FPGS: variants seen among roughly 807,000 people sequenced by gnomAD.
The protein encoded by FPGS is folylpolyglutamate synthase.
A neutral mutation model predicts 66.5 loss-of-function variants in FPGS; 53 were observed. That is an observed-to-expected ratio of 0.80 (90% CI 0.64 to 1.00). The LOEUF (loss-of-function observed/expected upper bound fraction) is 1.00, where lower values mean the gene tolerates loss of function less well. FPGS is among the 50% of genes least tolerant of loss of function. FPGS has a pLI of 0.00. For missense variants in FPGS, 702 were observed against 807.7 expected, an observed-to-expected ratio of 0.87 and a Z score of 1.59; for synonymous variants, 348 against 350.9, an observed-to-expected ratio of 0.99 and a Z score of 0.09.
Position 127,814,043 on chromosome 9 carries a change from G to A in FPGS, c.*439G>A. The stretch of plus-strand genomic sequence containing the variant: ...CAGAGGGTGGCTGGAGTGAATTAAA[G>A]CCTTTGTTTTTTAAAGAAATGGCAA... On this transcript the variant is annotated 3_prime_UTR_variant, in exon 15 of 15. Coordinates refer to ENST00000373247, the MANE Select transcript of FPGS (RefSeq NM_004957.6). 3.0e-6 allele frequency: 3 copies of A among 998,856 alleles called. No individual in the cohort carries two copies. Among genetic ancestry groups the A allele is most frequent in the Non-Finnish European group, 3.6e-6 (3 of 840,720 alleles). 61.9% of individuals were successfully genotyped at this position (998,856 alleles called of 1,614,324 possible).
Position 127,807,354 on chromosome 9 carries a change from G to T in FPGS, c.580-67G>T. Reference sequence around the variant, plus strand: ...AACGGGAACCTCAGCAGGCCTGGGGGCTCCCTGCTTCCATGCGGCCTCTGG... The same window carrying T: ...AACGGGAACCTCAGCAGGCCTGGGGTCTCCCTGCTTCCATGCGGCCTCTGG... On this transcript the variant is annotated intron_variant, in intron 6 of 14. Coordinates refer to ENST00000373247, the MANE Select transcript of FPGS (RefSeq NM_004957.6). The surrounding 1 kb of genome is among the most constrained non-coding windows in gnomAD (Gnocchi z 5.8). The T allele has an allele frequency of 6.2e-7, 1 of 1,611,188 alleles. No homozygotes were observed. Among genetic ancestry groups the T allele is most frequent in the Non-Finnish European group, 8.5e-7 (1 of 1,177,588 alleles).
At chr9:127,806,930 A>G in intron 4 of FPGS, 43 bp from the exon 5 acceptor site, 1 of 1,474,512 alleles carries the variant, frequency 6.8e-7, no homozygotes, top group Non-Finnish European at 9.5e-7. Flanking sequence ...GAAGGCCAGG[A>G]CGCTCGGGAA....
rs372334447 is a variant in FPGS at position 127,804,594 on chromosome 9, T to A, written c.321+42T>A. ...TGGGGTAGGGGGTCTATTAAGTGGC[T>A]GGTGGAGTAGAGCCTGCCCAGACAA... On this transcript the variant is annotated intron_variant, in intron 3 of 14. Coordinates refer to ENST00000373247, the MANE Select transcript of FPGS (RefSeq NM_004957.6). 17 of 1,613,896 alleles carry A rather than the reference T, an allele frequency of 1.1e-5. No homozygotes were observed. The African/African-American group carries it at 1.7e-4, about 16-fold the overall frequency.
intron 11 of FPGS, among the ~76,000 whole-genome samples, chr9:127,809,407 C>G (rs942711889): frequency 6.6e-6 from 1 of 152,188 alleles, no homozygotes; most frequent in South Asian, 2.1e-4. Flanking sequence ...GGAGACAAAC[C>G]GACCTCGCAT....
At position 127,809,872 on chromosome 9, in the gene FPGS, C is replaced by T. The variant is rs774499451; in HGVS notation, c.1211+38C>T. The T allele has an allele frequency of 4.0e-6, 5 of 1,239,108 alleles. No individual in the cohort carries two copies. In the South Asian group the frequency reaches 5.7e-5, roughly 14 times the overall value. 76.8% of individuals were successfully genotyped at this position (1,239,108 alleles called of 1,614,324 possible). ...GCTGGGGGTGGGGCCGGGGCTGGCC[C>T]ACGAGGAGGGGCGGGATCTTGGGGA... is the stretch of plus-strand genomic sequence containing the variant. On this transcript the variant is annotated intron_variant, in intron 12 of 14. Coordinates refer to ENST00000373247, the MANE Select transcript of FPGS (RefSeq NM_004957.6).
chr9:127,802,938 G>T lies in FPGS; in HGVS notation c.14G>T (p.Arg5Leu). ...GGCGCCGGGACTATGTCGCGGGCGCGGAGCCACCTGCGCGCCGCTCTATTC... is the reference window on the plus strand; with the variant it reads ...GGCGCCGGGACTATGTCGCGGGCGCTGAGCCACCTGCGCGCCGCTCTATTC... MSRA[R>L]SHLRAALFLA... The change falls in exon 1 of 15, where the codon CGG becomes CTG. Residue 5 changes from arginine to leucine, a missense_variant. Arg to Leu is a moderately radical substitution (Grantham distance 102, BLOSUM62 -2). Coordinates refer to ENST00000373247, the MANE Select transcript of FPGS (RefSeq NM_004957.6). 1.4e-6 allele frequency: 2 copies of T among 1,393,446 alleles called. No individual in the cohort carries two copies. Among genetic ancestry groups the T allele is most frequent in the Non-Finnish European group, 9.3e-7 (1 of 1,079,930 alleles). 86.3% of individuals were successfully genotyped at this position (1,393,446 alleles called of 1,614,324 possible).
intron 11 of FPGS, 57 bp downstream of exon 11, chr9:127,808,946 A>ATTTTT (rs543518198): frequency 9.0e-6 from 8 of 888,192 alleles, no homozygotes; most frequent in South Asian, 1.9e-5. Flanking sequence ...GCCCCTTCAG[A>ATTTTT]TTTTTTTTTT....
At chr9:127,809,902 CGGGGCGGGGTCGTGGGGAAGGGCG>C in intron 12 of FPGS, 68 bp downstream of exon 12, 4 of 301,234 alleles carry the variant, frequency 1.3e-5, no homozygotes, top group Non-Finnish European at 1.2e-5. Context: ...TGGGGAAGGG[CGGGGCGGGGTCGTGGGGAAGGGCG>C]GGGGCGGGCC....
At chr9:127,811,823 A>AAATACCAGTGTAC (rs1388389016) in intron 14 of FPGS, among the ~76,000 whole-genome samples, 1 of 152,170 alleles carries the variant, frequency 6.6e-6, no homozygotes, top group Admixed American at 6.5e-5. Context: ...GTAGAATAGA[A>AAATACCAGTGTAC]AATACCAGTG....
chr9:127,802,942 C>A lies in FPGS; in HGVS notation c.18C>A (p.Ser6Arg). The A allele has an allele frequency of 7.2e-7, 1 of 1,396,980 alleles. No individual in the cohort carries two copies. Among genetic ancestry groups the A allele is most frequent in the Non-Finnish European group, 9.2e-7 (1 of 1,081,758 alleles). 86.5% of individuals were successfully genotyped at this position (1,396,980 alleles called of 1,614,324 possible). Residue 6 changes from serine to arginine, a missense_variant, in exon 1 of 15, where the codon AGC (serine) becomes AGA (arginine). Transcript: ENST00000373247. MSRAR[S>R]HLRAALFLAA... ...CCGGGACTATGTCGCGGGCGCGGAGCCACCTGCGCGCCGCTCTATTCCTGG... is the reference window on the plus strand; with the variant it reads ...CCGGGACTATGTCGCGGGCGCGGAGACACCTGCGCGCCGCTCTATTCCTGG...
At chr9:127,810,373 G>A (rs1485926534) in intron 13 of FPGS, among the ~76,000 whole-genome samples, 2 of 152,106 alleles carry the variant, frequency 1.3e-5, no homozygotes, top group Non-Finnish European at 2.9e-5. Context: ...GGACTCGCTT[G>A]TCATGCCCCT....
Position 127,808,834 on chromosome 9 carries a change from C to T in FPGS, c.1005C>T (p.Leu335=). The T allele has an allele frequency of 6.4e-7, 1 of 1,562,900 alleles. No individual in the cohort carries two copies. Among genetic ancestry groups the T allele is most frequent in the Non-Finnish European group, 8.7e-7 (1 of 1,154,070 alleles). The change falls in exon 11 of 15, where the codon CTC becomes CTT. Residue 335 remains leucine, a synonymous_variant. Transcript: ENST00000373247. ...AGEPKASRPG[L]LWQLPLAPVF... Reference sequence around the variant, plus strand: ...AGCCAAAGGCATCCAGGCCAGGGCTCCTGTGGCAGCTGCCCCTGGCACCTG... The same window carrying T: ...AGCCAAAGGCATCCAGGCCAGGGCTTCTGTGGCAGCTGCCCCTGGCACCTG...
chr9:127,808,525 C>A, intron 9 of FPGS, 33 bp from the exon 10 acceptor site: 7 of 1,610,464 alleles, frequency 4.3e-6, no homozygotes, highest in Non-Finnish European at 5.9e-6. Context: ...CAGGGAGGGC[C>A]TCTGCTGACC....
chr9:127,803,369 C>T (rs1239257557), intron 1 of FPGS: 5 of 1,126,482 alleles, frequency 4.4e-6, no homozygotes, highest in African/African-American at 1.6e-5. Flanking sequence ...CCAGTGATCC[C>T]GGAGTCTGAA....
Position 127,802,887 on chromosome 9 carries a change from C to G in FPGS, c.-38C>G, listed in dbSNP as rs1360308919. 19 of 1,293,962 alleles carry G rather than the reference C, an allele frequency of 1.5e-5. No individual in the cohort carries two copies. The highest frequency in any genetic ancestry group is 1.9e-5 in the Non-Finnish European group (19 of 1,023,850). The allele number at this position is 1,293,962 out of a possible 1,614,324, so 80.2% of individuals were successfully genotyped here. On this transcript the variant is annotated 5_prime_UTR_variant, in exon 1 of 15. Coordinates refer to ENST00000373247, the MANE Select transcript of FPGS (RefSeq NM_004957.6). ...GGCTGGGGGCGGGGCGGGGCGTCTCCCGCCCGGGCCTAGAGCGCTGCCGGG... is the reference window on the plus strand; with the variant it reads ...GGCTGGGGGCGGGGCGGGGCGTCTCGCGCCCGGGCCTAGAGCGCTGCCGGG...
In FPGS at chr9:127,802,930, G is replaced by C; in HGVS notation, c.6G>C (p.Ser2=). 1 of 1,387,644 alleles carries C rather than the reference G, an allele frequency of 7.2e-7. No homozygotes were observed. The allele number at this position is 1,387,644 out of a possible 1,614,324, so 86.0% of individuals were successfully genotyped here. ...CTGCCGGGGGCGCCGGGACTATGTC[G>C]CGGGCGCGGAGCCACCTGCGCGCCG... M[S]RARSHLRAAL... The change falls in exon 1 of 15, where the codon TCG becomes TCC. Residue 2 remains serine, a synonymous_variant. Coordinates refer to ENST00000373247, the MANE Select transcript of FPGS (RefSeq NM_004957.6).
At chr9:127,803,281 C>G in intron 1 of FPGS, 1 of 1,233,454 alleles carries the variant, frequency 8.1e-7, no homozygotes, top group Non-Finnish European at 1.0e-6. Context: ...ATAGCGTCCC[C>G]GCCCCGGGTT....
chr9:127,810,008 C>T, intron 12 of FPGS, 23 bp from the exon 13 acceptor site: 2 of 1,603,264 alleles, frequency 1.2e-6, no homozygotes, highest in Non-Finnish European at 1.7e-6. Flanking sequence ...GCCCTTTGAC[C>T]CAGCTCCTCA....
At chr9:127,808,206 C>A (rs370634067) in intron 8 of FPGS, 28 bp from the exon 9 acceptor site, 5 of 1,578,314 alleles carry the variant, frequency 3.2e-6, no homozygotes, top group Non-Finnish European at 4.4e-6. Flanking sequence ...GCTAGGTAGC[C>A]CTTTCTCTCT....
Sources: allele counts gnomAD v4.1 joint callset (sites outside exome capture counted in the v4.1 genomes callset), GRCh38; gene constraint gnomAD v4.1.1; non-coding constraint Gnocchi (gnomAD v3.1); transcripts MANE v1.5; gene names NCBI Gene and HGNC (gene_info 2026-07-23, HGNC 2026-07-21).